Variants in AIG1 observed in about 807,000 individuals in gnomAD.
AIG1 encodes the protein androgen-induced gene 1 protein.
AIG1 carries 23 observed loss-of-function variants against 31.4 expected under a neutral mutation model. That is an observed-to-expected ratio of 0.73 (90% confidence interval 0.53 to 1.04). AIG1 has a LOEUF of 1.04. AIG1 is among the 50% of genes least tolerant of loss of function. The pLI is 0.00. For synonymous variants in AIG1, 100 were observed against 110.5 expected (o/e 0.90, Z 0.60); for missense variants, 274 against 295.0 (o/e 0.93, Z 0.52).
In AIG1 at chr6:143,334,000, G is replaced by A. The variant is rs1777289408; in HGVS notation, c.679+555G>A. On this transcript the variant is annotated intron_variant, in intron 5 of 5. Transcript: ENST00000357847. This position sits in a 1 kb window ranked among gnomAD's most constrained non-coding sequence, Gnocchi z 4.6. The stretch of plus-strand genomic sequence containing the variant: ...TGAAAGTGGCAAAGAGCTACAAGCA[G>A]TAAAAGATAATATTTCGTGGCTGGA... The A allele has an allele frequency of 6.7e-7, 1 of 1,483,102 alleles. No individual in the cohort carries two copies. The highest frequency in any genetic ancestry group is 9.2e-7 in the Non-Finnish European group (1 of 1,088,932). 91.9% of individuals were successfully genotyped at this position (1,483,102 alleles called of 1,614,324 possible).
Position 143,201,950 on chromosome 6 carries a change from A to C in AIG1, c.399+36767A>C, listed in dbSNP as rs377725370. ...CACATCAAACACATCAGAACAACGA[A>C]CTCTGCTTGAGTATTTGCTTTGTGC... On this transcript the variant is annotated intron_variant, in intron 3 of 5. Coordinates refer to ENST00000357847, the MANE Select transcript of AIG1 (RefSeq NM_016108.4). Among the ~76,000 whole-genome samples, 181 of 152,226 alleles carry C rather than the reference A, an allele frequency of 1.2e-3. 1 individual carries two copies. Among genetic ancestry groups the C allele is most frequent in the South Asian group, 8.9e-3 (43 of 4,818 alleles).
chr6:143,236,348 G>A (rs1427770853), intron 3 of AIG1, among the ~76,000 whole-genome samples: 1 of 152,220 alleles, frequency 6.6e-6, no homozygotes, highest in African/African-American at 2.4e-5. Context: ...TGTGACTCAC[G>A]CCATCTGTTG....
At chr6:143,117,616 G>C (rs1467177493) in intron 1 of AIG1, among the ~76,000 whole-genome samples, 1 of 152,116 alleles carries the variant, frequency 6.6e-6, no homozygotes, top group Non-Finnish European at 1.5e-5. Context: ...TTCAAATGCA[G>C]AAGTCTGGCT....
chr6:143,259,969 G>A (rs1215962940), intron 3 of AIG1, among the ~76,000 whole-genome samples: 2 of 151,746 alleles, frequency 1.3e-5, no homozygotes, highest in South Asian at 2.1e-4. Context: ...AAGCTGCATT[G>A]GAGAAGGGAG....
chr6:143,177,834 C>T (rs1036800548), intron 3 of AIG1, among the ~76,000 whole-genome samples: 1 of 152,164 alleles, frequency 6.6e-6, no homozygotes, highest in African/African-American at 2.4e-5. Flanking sequence ...CTGAGGGATG[C>T]ACTTGAGCAT....
intron 3 of AIG1, among the ~76,000 whole-genome samples, chr6:143,214,445 A>C (rs1179103327): frequency 1.3e-5 from 2 of 152,222 alleles, no homozygotes; most frequent in Non-Finnish European, 2.9e-5. Context: ...TATTATTATT[A>C]GGCCTCTTTG....
intron 3 of AIG1, among the ~76,000 whole-genome samples, chr6:143,239,326 AT>A (rs1294977493): frequency 6.6e-6 from 1 of 152,232 alleles, no homozygotes; most frequent in East Asian, 1.9e-4. Context: ...TCCTCTGAAT[AT>A]TTCTGAGCAG....
At chr6:143,069,201 G>C (rs1777014339) in intron 1 of AIG1, among the ~76,000 whole-genome samples, 1 of 152,222 alleles carries the variant, frequency 6.6e-6, no homozygotes, top group Non-Finnish European at 1.5e-5. Context: ...ATTTTTAGTA[G>C]AGACGGGGTT....
chr6:143,328,288 G>A lies in AIG1; in HGVS notation c.516-4994G>A, dbSNP rs994591355. Among the ~76,000 whole-genome samples the A allele has an allele frequency of 6.6e-6, 1 of 152,186 alleles. No homozygotes were observed. The highest frequency in any genetic ancestry group is 1.5e-5 in the Non-Finnish European group (1 of 68,028). On this transcript the variant is annotated intron_variant, in intron 4 of 5. Coordinates refer to ENST00000357847, the MANE Select transcript of AIG1 (RefSeq NM_016108.4). This position sits in a 1 kb window ranked among gnomAD's most constrained non-coding sequence, Gnocchi z 4.0. ...TCTGGACCACTTATTGGAGAAGTTTGCTTTTGAAGAGGAGAGACTTGAGTA... is the reference window on the plus strand; with the variant it reads ...TCTGGACCACTTATTGGAGAAGTTTACTTTTGAAGAGGAGAGACTTGAGTA...
At chr6:143,061,125 T>C (rs558083867) in intron 1 of AIG1, 59 bp downstream of exon 1, 27 of 1,428,886 alleles carry the variant, frequency 1.9e-5, no homozygotes, top group Non-Finnish European at 2.1e-5. Context: ...TGCGTGTGTG[T>C]GTGTGTGTGT....
chr6:143,167,376 T>C (rs1037453079), intron 3 of AIG1, among the ~76,000 whole-genome samples: 15 of 152,208 alleles, frequency 9.9e-5, no homozygotes, highest in African/African-American at 3.4e-4. Context: ...CTCTTGAAGT[T>C]GCTGCCTCCA....
intron 2 of AIG1, among the ~76,000 whole-genome samples, chr6:143,156,745 T>C (rs895068522): frequency 1.3e-5 from 2 of 152,220 alleles, no homozygotes; most frequent in South Asian, 4.1e-4. Context: ...CAGTTGTAAC[T>C]GAGACATACT....
At chr6:143,086,588 G>A (rs868578061) in intron 1 of AIG1, among the ~76,000 whole-genome samples, 6 of 152,244 alleles carry the variant, frequency 3.9e-5, no homozygotes, top group Middle Eastern at 3.4e-3. Context: ...GGAGGGACAC[G>A]AGGGACAAGA....
In AIG1 at chr6:143,272,173, A is replaced by C. The variant is rs574340549; in HGVS notation, c.400-11937A>C. On this transcript the variant is annotated intron_variant, in intron 3 of 5. Transcript: ENST00000357847. ...GTATAGTCATTGAGTGCCATCATGT[A>C]GGTATGCAGTGGGAACACGAAAAAG... 1.7e-4 allele frequency among the ~76,000 whole-genome samples: 26 copies of C among 152,278 alleles called. No homozygotes were observed. The South Asian group carries it at 5.2e-3, about 30-fold the overall frequency.
At chr6:143,276,292 G>C (rs992253334) in intron 3 of AIG1, among the ~76,000 whole-genome samples, 1 of 152,206 alleles carries the variant, frequency 6.6e-6, no homozygotes, top group African/African-American at 2.4e-5. Flanking sequence ...TGGGGCTAAT[G>C]TTAGAAGTGA....
chr6:143,319,357 A>G (rs1195376599), intron 4 of AIG1, among the ~76,000 whole-genome samples: 1 of 152,214 alleles, frequency 6.6e-6, no homozygotes, highest in Non-Finnish European at 1.5e-5. Context: ...CCATTATTCT[A>G]AGTGAAGTAA....
At chr6:143,257,469 A>G (rs536540474) in intron 3 of AIG1, among the ~76,000 whole-genome samples, 16 of 152,360 alleles carry the variant, frequency 1.1e-4, no homozygotes, top group Middle Eastern at 3.4e-3. Flanking sequence ...TAGGATTTTC[A>G]GTGGAAATAC....
intron 3 of AIG1, among the ~76,000 whole-genome samples, chr6:143,249,631 C>G (rs965483575): frequency 1.3e-5 from 2 of 152,248 alleles, no homozygotes; most frequent in African/African-American, 4.8e-5. Context: ...TCCTACTGCA[C>G]TACCAGTACA....
chr6:143,268,839 G>A lies in AIG1; in HGVS notation c.400-15271G>A, dbSNP rs1005235799. On this transcript the variant is annotated intron_variant, in intron 3 of 5. Transcript: ENST00000357847. This position sits in a 1 kb window ranked among gnomAD's most constrained non-coding sequence, Gnocchi z 5.0. Reference sequence around the variant, plus strand: ...TACTTCCCCAGCAGGTGGGAGTGCCGTCAGTTTCAGCCCTCTGCTCTAAGC... The same window carrying A: ...TACTTCCCCAGCAGGTGGGAGTGCCATCAGTTTCAGCCCTCTGCTCTAAGC... Among the ~76,000 whole-genome samples, 2 of 152,140 alleles carry A rather than the reference G, an allele frequency of 1.3e-5. No individual in the cohort carries two copies. The highest frequency in any genetic ancestry group is 1.9e-4 in the East Asian group (1 of 5,182).
Sources: allele counts gnomAD v4.1 joint callset (sites outside exome capture counted in the v4.1 genomes callset), GRCh38; gene constraint gnomAD v4.1.1; non-coding constraint Gnocchi (gnomAD v3.1); transcripts MANE v1.5; gene names NCBI Gene and HGNC (gene_info 2026-07-23, HGNC 2026-07-21).